Variants in VPS13D observed in about 807,000 individuals in gnomAD.
The protein encoded by VPS13D is intermembrane lipid transfer protein VPS13D.
In VPS13D, 187 loss-of-function variants were observed where a neutral mutation model predicts 461.9. The ratio of observed to expected loss-of-function variants is 0.40; its 90% CI spans 0.36 to 0.46. The LOEUF (loss-of-function observed/expected upper bound fraction) is 0.46. Among genes scored for constraint, VPS13D ranks in the 20% least tolerant of loss-of-function variants. The pLI is 0.60. For synonymous variants in VPS13D, 1,951 were observed against 1,986.3 expected (o/e 0.98, Z 0.47); for missense variants, 4,711 against 5,364.9 (o/e 0.88, Z 3.81).
intron 42 of VPS13D, among the ~76,000 whole-genome samples, 187 bp downstream of exon 42, chr1:12,343,238 G>A (rs1569957254): frequency 1.3e-5 from 2 of 151,930 alleles, no homozygotes; most frequent in South Asian, 2.1e-4. Context: ...GCAGTGGCAC[G>A]ATCTCAGCTC....
intron 13 of VPS13D, among the ~76,000 whole-genome samples, chr1:12,265,676 G>T (rs1641246358): frequency 2.0e-5 from 3 of 152,200 alleles, no homozygotes; most frequent in Non-Finnish European, 4.4e-5. Flanking sequence ...AGTGGAGGAA[G>T]TAACTGCAAA....
chr1:12,352,451 C>T (rs1175638089), intron 46 of VPS13D, among the ~76,000 whole-genome samples: 1 of 151,974 alleles, frequency 6.6e-6, no homozygotes, highest in Non-Finnish European at 1.5e-5. Context: ...GAAGAAAATA[C>T]CCAGCCAATA....
chr1:12,321,856 T>A lies in VPS13D; in HGVS notation c.7596T>A (p.Ile2532=). The A allele has an allele frequency of 6.2e-7, 1 of 1,612,476 alleles. No individual in the cohort carries two copies. The highest frequency in any genetic ancestry group is 8.5e-7 in the Non-Finnish European group (1 of 1,179,476). Residue 2532 remains isoleucine, a synonymous_variant, in exon 33 of 70, where the codon ATT becomes ATA. Coordinates refer to ENST00000620676, the MANE Select transcript of VPS13D (RefSeq NM_015378.4). The part of the protein sequence containing the change: ...LGNEHDTALS[I]VDPVQIQMEL... ...ATGAGCATGATACAGCTCTTTCAAT[T>A]GTGGATCCCGTACAAATTCAAATGG...
intron 17 of VPS13D, 142 bp from the exon 18 acceptor site, chr1:12,272,861 T>C (rs1436226952): frequency 2.5e-6 from 3 of 1,184,196 alleles, no homozygotes; most frequent in Non-Finnish European, 3.5e-6. Context: ...ACATCTACTT[T>C]TGTCTTAGAC....
At chr1:12,445,462 AT>A (rs1645180821) in intron 65 of VPS13D, among the ~76,000 whole-genome samples, 1 of 152,204 alleles carries the variant, frequency 6.6e-6, no homozygotes, top group Non-Finnish European at 1.5e-5. Context: ...GAGATGACTA[AT>A]TCAGGTTCAA....
At chr1:12,413,944 C>T (rs1271698339) in intron 63 of VPS13D, among the ~76,000 whole-genome samples, 4 of 152,110 alleles carry the variant, frequency 2.6e-5, no homozygotes, top group Non-Finnish European at 5.9e-5. Flanking sequence ...TGACCCAGTT[C>T]CACTCCCAGG....
chr1:12,323,717 G>C lies in VPS13D; in HGVS notation c.7927G>C (p.Ala2643Pro). Reference protein sequence around the residue: ...TLDPVLELQLARLQELGFSMD... With the variant: ...TLDPVLELQLPRLQELGFSMD... ...TATTTGTTTCCTAGAGTTACAGCTG[G>C]CTAGGCTGCAGGAGCTGGGATTCAG... Residue 2643 changes from alanine to proline, a missense_variant, in exon 35 of 70, where the codon GCT becomes CCT. Ala to Pro is a conservative substitution (Grantham distance 27). Transcript: ENST00000620676. The C allele has an allele frequency of 6.2e-7, 1 of 1,613,764 alleles. No homozygotes were observed. The highest frequency in any genetic ancestry group is 1.1e-5 in the South Asian group (1 of 91,044).
At chr1:12,483,030 A>G (rs1193636638) in intron 67 of VPS13D, among the ~76,000 whole-genome samples, 1 of 152,156 alleles carries the variant, frequency 6.6e-6, no homozygotes, top group African/African-American at 2.4e-5. Context: ...TCTTACTTGA[A>G]TAATTCTCTC....
chr1:12,331,934 G>A (rs1643344171), intron 37 of VPS13D, among the ~76,000 whole-genome samples: 1 of 152,088 alleles, frequency 6.6e-6, no homozygotes, highest in African/African-American at 2.4e-5. Context: ...TTTGTTCAGT[G>A]GCTGATTGTG....
At chr1:12,348,616 T>C (rs1265826836) in intron 44 of VPS13D, among the ~76,000 whole-genome samples, 1 of 152,156 alleles carries the variant, frequency 6.6e-6, no homozygotes, top group Non-Finnish European at 1.5e-5. Flanking sequence ...TCTGTTTTTG[T>C]AGAACTTTTT....
At chr1:12,311,789 T>C (rs1380049532) in intron 28 of VPS13D, 24 bp from the exon 29 acceptor site, 1 of 1,606,276 alleles carries the variant, frequency 6.2e-7, no homozygotes, top group Non-Finnish European at 8.5e-7. Flanking sequence ...CAGCTGTGGA[T>C]TGACGAGCAT....
At chr1:12,410,036 G>A (rs1644703073) in intron 63 of VPS13D, 1 of 394,490 alleles carries the variant, frequency 2.5e-6, no homozygotes. Context: ...AGTCTCATGG[G>A]GCTAGCAAAG....
At chr1:12,230,941 G>A (rs1309949090) in intron 1 of VPS13D, among the ~76,000 whole-genome samples, 1 of 152,150 alleles carries the variant, frequency 6.6e-6, no homozygotes, top group Non-Finnish European at 1.5e-5. Flanking sequence ...TCGCCTTCCG[G>A]GCAGTGCCGT....
intron 67 of VPS13D, among the ~76,000 whole-genome samples, chr1:12,487,345 C>T (rs1325582690): frequency 6.6e-6 from 1 of 152,134 alleles, no homozygotes; most frequent in Non-Finnish European, 1.5e-5. Context: ...CACGGTGGCT[C>T]ACGCCTGTAA....
At chr1:12,378,628 C>T in intron 56 of VPS13D, 37 bp downstream of exon 56, 1 of 1,475,010 alleles carries the variant, frequency 6.8e-7, no homozygotes, top group Non-Finnish European at 9.0e-7. Flanking sequence ...AAGCTCATTG[C>T]TTTCAAATTC....
chr1:12,415,366 C>G, intron 64 of VPS13D, 145 bp downstream of exon 64: 1 of 1,033,116 alleles, frequency 9.7e-7, no homozygotes, highest in Non-Finnish European at 1.4e-6. Context: ...GGTCACTTCC[C>G]AAGAAGCCCG....
intron 63 of VPS13D, among the ~76,000 whole-genome samples, chr1:12,414,029 A>G (rs957539038): frequency 2.0e-5 from 3 of 152,216 alleles, no homozygotes; most frequent in Admixed American, 6.5e-5. Context: ...CACAGCTGTA[A>G]TCGCAGCACT....
chr1:12,313,299 CT>C (rs765170972), intron 29 of VPS13D, among the ~76,000 whole-genome samples: 1,967 of 117,484 alleles, frequency 0.017, 19 homozygotes, highest in Non-Finnish European at 0.026. Context: ...TTATTCTTTC[CT>C]TTTTTTTTTT....
chr1:12,291,207 A>C, intron 23 of VPS13D, 83 bp downstream of exon 23: 4 of 1,484,474 alleles, frequency 2.7e-6, no homozygotes, highest in Non-Finnish European at 3.6e-6. Context: ...ACAATAAAGA[A>C]AACTTTTAAA....
Sources: allele counts gnomAD v4.1 joint callset (sites outside exome capture counted in the v4.1 genomes callset), GRCh38; gene constraint gnomAD v4.1.1; transcripts MANE v1.5; gene names NCBI Gene and HGNC (gene_info 2026-07-23, HGNC 2026-07-21).